THAP4: variants seen among roughly 807,000 people sequenced by gnomAD.
The protein encoded by THAP4 is THAP domain containing 4.
Under a neutral mutation model 48.1 loss-of-function variants are expected in THAP4, and 18 were observed. The ratio of observed to expected loss-of-function variants is 0.37; its 90% confidence interval spans 0.26 to 0.56. The LOEUF is 0.56. Ranked by LOEUF, THAP4 falls within the 20% of genes least tolerant of loss-of-function variation. THAP4 has a pLI of 0.78. For synonymous variants in THAP4, 345 were observed against 324.9 expected, an observed-to-expected ratio of 1.06 and a Z score of -0.66; for missense variants, 656 against 774.9, an observed-to-expected ratio of 0.85 and a Z score of 1.82.
chr2:241,601,796 G>C lies in THAP4; in HGVS notation c.1614+100C>G, dbSNP rs569907284. ...AGTGAAGACAGGCCTGTGAGACACA[G>C]TGGCAAGACACGCACTACCTCACGG... is the stretch of plus-strand genomic sequence containing the variant. On this transcript the variant is annotated intron_variant, in intron 5 of 5. Transcript: ENST00000407315. The surrounding 1 kb of genome is among the most constrained non-coding windows in gnomAD (Gnocchi z 4.0). The C allele has an allele frequency of 6.4e-7, 1 of 1,557,626 alleles. No homozygotes were observed. Among genetic ancestry groups the C allele is most frequent in the African/African-American group, 1.4e-5 (1 of 73,994 alleles).
chr2:241,626,487 AAAC>A (rs984719764), intron 2 of THAP4, among the ~76,000 whole-genome samples: 1 of 152,140 alleles, frequency 6.6e-6, no homozygotes, highest in Non-Finnish European at 1.5e-5. Flanking sequence ...AAAAACCAAA[AAAC>A]AACAACAAAG....
chr2:241,587,676 G>T (rs1292711845), intron 5 of THAP4, among the ~76,000 whole-genome samples: 1 of 151,804 alleles, frequency 6.6e-6, no homozygotes, highest in Non-Finnish European at 1.5e-5. Context: ...CTGAGCAATA[G>T]AATCTATTTA....
intron 5 of THAP4, among the ~76,000 whole-genome samples, chr2:241,598,747 A>G (rs1238165000): frequency 6.6e-6 from 1 of 152,130 alleles, no homozygotes; most frequent in Non-Finnish European, 1.5e-5. Context: ...TGCAGTGAGG[A>G]CTGCATTAAC....
chr2:241,588,097 G>T (rs1340980129), intron 5 of THAP4, among the ~76,000 whole-genome samples: 1 of 151,914 alleles, frequency 6.6e-6, no homozygotes, highest in African/African-American at 2.4e-5. Context: ...AGAAATGAAT[G>T]AATTTAACAA....
rs542046509 is a variant in THAP4, at chr2:241,595,756, G to A, written c.1614+6140C>T. On this transcript the variant is annotated intron_variant, in intron 5 of 5. Transcript: ENST00000407315. Reference sequence around the variant, plus strand: ...CCCCAGCTTCCACCACCAGCTCCCCGTACCGAGGCAACTGTGCCTCCCTCT... The same window carrying A: ...CCCCAGCTTCCACCACCAGCTCCCCATACCGAGGCAACTGTGCCTCCCTCT... 3.3e-5 allele frequency among the ~76,000 whole-genome samples: 5 copies of A among 152,116 alleles called. 1 individual carries two copies. The South Asian group carries it at 8.3e-4, about 25-fold the overall frequency.
intron 2 of THAP4, among the ~76,000 whole-genome samples, chr2:241,613,055 A>C (rs953355218): frequency 2.0e-5 from 3 of 152,140 alleles, no homozygotes; most frequent in African/African-American, 7.2e-5. Flanking sequence ...GTTTCTTTTT[A>C]CCTTTTTAAT....
chr2:241,628,595 A>AGCCATC (rs890686296), intron 2 of THAP4, among the ~76,000 whole-genome samples: 4 of 151,090 alleles, frequency 2.6e-5, no homozygotes, highest in African/African-American at 9.7e-5. Flanking sequence ...CTAAAGTCTG[A>AGCCATC]GCCATCGCCA....
In THAP4 at chr2:241,633,051, T is replaced by C. The variant is rs2067586650; in HGVS notation, c.1106A>G (p.Lys369Arg). 1 of 1,614,010 alleles carries C rather than the reference T, an allele frequency of 6.2e-7. No individual in the cohort carries two copies. The highest frequency in any genetic ancestry group is 8.5e-7 in the Non-Finnish European group (1 of 1,180,022). Residue 369 changes from lysine (K) to arginine (R), a missense_variant, in exon 2 of 6, where the codon AAG (lysine) becomes AGG (arginine). Physicochemically the swap from Lys to Arg is conservative, Grantham distance 26. Transcript: ENST00000407315. The surrounding 1 kb of genome is among the most constrained non-coding windows in gnomAD (Gnocchi z 7.5). ...VCCLREQVEK[K>R]NGELKSLRQR... ...CCGCAGGCTCTTCAGCTCGCCGTTC[T>C]TCTTCTCCACCTGCTCCCGCAGGCA...
intron 5 of THAP4, among the ~76,000 whole-genome samples, chr2:241,600,444 C>A (rs536196688): frequency 6.6e-6 from 1 of 152,074 alleles, no homozygotes; most frequent in Non-Finnish European, 1.5e-5. Flanking sequence ...AATGAAAGAA[C>A]AGGCTGGGCG....
At chr2:241,628,908 C>G (rs2067525774) in intron 2 of THAP4, among the ~76,000 whole-genome samples, 1 of 131,898 alleles carries the variant, frequency 7.6e-6, no homozygotes. Flanking sequence ...CCACTGCACT[C>G]CAGTCTGAGA....
intron 5 of THAP4, among the ~76,000 whole-genome samples, chr2:241,600,727 C>CA (rs35546566): frequency 0.18 from 16,129 of 88,538 alleles, 1,358 homozygotes; most frequent in South Asian, 0.43. Context: ...GACTCCGTCT[C>CA]AAAAAAAAAA....
intron 3 of THAP4, among the ~76,000 whole-genome samples, chr2:241,604,656 T>C (rs537670666): frequency 5.9e-5 from 9 of 151,904 alleles, no homozygotes; most frequent in African/African-American, 1.9e-4. Context: ...GTGATCCACC[T>C]GCCTTGACCT....
intron 5 of THAP4, among the ~76,000 whole-genome samples, chr2:241,600,120 C>T (rs544573408): frequency 6.6e-6 from 1 of 152,024 alleles, no homozygotes; most frequent in African/African-American, 2.4e-5. Context: ...CACCTGAACC[C>T]GAGAGGTGGA....
chr2:241,585,018 G>C (rs1035763806), intron 5 of THAP4: 1 of 354,496 alleles, frequency 2.8e-6, no homozygotes, highest in Admixed American at 4.2e-5. Flanking sequence ...GACCTCGGAA[G>C]CTAAGGAGGG....
At chr2:241,620,195 T>A (rs1575034274) in intron 2 of THAP4, among the ~76,000 whole-genome samples, 1 of 31,692 alleles carries the variant, frequency 3.2e-5, no homozygotes. Context: ...GAGTGAGGGG[T>A]GAGGAGTGAG....
chr2:241,597,340 G>C (rs1204994627), intron 5 of THAP4, among the ~76,000 whole-genome samples: 1 of 152,116 alleles, frequency 6.6e-6, no homozygotes, highest in Non-Finnish European at 1.5e-5. Context: ...CACCATGTTG[G>C]CCAGACTGAT....
At chr2:241,591,924 C>T (rs2066985327) in intron 5 of THAP4, 1 of 152,204 alleles carries the variant, frequency 6.6e-6, no homozygotes, top group African/African-American at 2.4e-5. Context: ...TTGTAAAACT[C>T]AAAAGATAAT....
At position 241,601,330 on chromosome 2, in the gene THAP4, C is replaced by A. The variant is rs1226355279; in HGVS notation, c.1614+566G>T. Among the ~76,000 whole-genome samples, 2 of 152,072 alleles carry A rather than the reference C, an allele frequency of 1.3e-5. No homozygotes were observed. Among genetic ancestry groups the A allele is most frequent in the Admixed American group, 1.3e-4 (2 of 15,252 alleles). On this transcript the variant is annotated intron_variant, in intron 5 of 5. Transcript: ENST00000407315. This position sits in a 1 kb window ranked among gnomAD's most constrained non-coding sequence, Gnocchi z 4.0. ...GCAAAGACTTTAAATATCAAGTGCACAGAATAAGAAGCGTAAACAGCCAGT... is the reference window on the plus strand; with the variant it reads ...GCAAAGACTTTAAATATCAAGTGCAAAGAATAAGAAGCGTAAACAGCCAGT...
At chr2:241,622,776 T>A (rs555595554) in intron 2 of THAP4, among the ~76,000 whole-genome samples, 1 of 151,878 alleles carries the variant, frequency 6.6e-6, no homozygotes, top group South Asian at 2.1e-4. Flanking sequence ...ATTTTCTTAT[T>A]TTTTTTTGTA....
Sources: gnomAD v4.1 joint callset for allele counts (sites outside exome capture counted in the v4.1 genomes callset) on GRCh38, gnomAD v4.1.1 for gene constraint, Gnocchi (gnomAD v3.1) non-coding constraint, MANE v1.5 for transcripts, NCBI Gene and HGNC (gene_info 2026-07-23, HGNC 2026-07-21) for gene names.